Variants in ABLIM2 observed in about 807,000 individuals in gnomAD.
ABLIM2 encodes actin binding LIM protein family member 2, also known as actin-binding LIM protein 2.
A neutral mutation model predicts 97.7 loss-of-function variants in ABLIM2; 53 were observed. The observed-to-expected ratio is 0.54, with a 90% CI of 0.44 to 0.68. The LOEUF is 0.68. Ranked by LOEUF, ABLIM2 falls within the 30% of genes least tolerant of loss-of-function variation. ABLIM2 has a pLI of 0.00. For missense variants in ABLIM2, 835 were observed against 867.2 expected (o/e 0.96, Z 0.47); for synonymous variants, 361 against 345.8 (o/e 1.04, Z -0.49).
At chr4:8,017,629 C>T (rs748919420) in intron 14 of ABLIM2, among the ~76,000 whole-genome samples, 3 of 152,166 alleles carry the variant, frequency 2.0e-5, no homozygotes, top group Non-Finnish European at 1.5e-5. Flanking sequence ...TTGGTCCTTG[C>T]TTAGGGTTTA....
intron 1 of ABLIM2, among the ~76,000 whole-genome samples, chr4:8,116,124 C>A (rs1260101098): frequency 1.3e-5 from 2 of 152,202 alleles, no homozygotes; most frequent in Non-Finnish European, 2.9e-5. Flanking sequence ...CAAGGCATAC[C>A]CACTGTGCCC....
At chr4:8,137,051 C>T (rs560921694) in intron 1 of ABLIM2, among the ~76,000 whole-genome samples, 3 of 152,316 alleles carry the variant, frequency 2.0e-5, no homozygotes, top group Non-Finnish European at 2.9e-5. Context: ...TATGAGGAGG[C>T]GGCCCCCAAC....
chr4:8,100,019 G>A (rs1833718457), intron 2 of ABLIM2, among the ~76,000 whole-genome samples: 1 of 152,194 alleles, frequency 6.6e-6, no homozygotes, highest in Non-Finnish European at 1.5e-5. Flanking sequence ...AGGGCAGGTG[G>A]GGGTGATGGG....
At chr4:7,979,853 A>G (rs1736604947) in intron 20 of ABLIM2, among the ~76,000 whole-genome samples, 1 of 152,202 alleles carries the variant, frequency 6.6e-6, no homozygotes, top group Non-Finnish European at 1.5e-5. Context: ...GGGTGGTCAT[A>G]TTACCTACTC....
intron 1 of ABLIM2, among the ~76,000 whole-genome samples, chr4:8,143,170 G>GGC (rs56136704): frequency 0.052 from 7,046 of 136,172 alleles, 401 homozygotes; most frequent in South Asian, 0.066. Context: ...GGGGGGGGGG[G>GGC]GCGTCTGCAA....
chr4:7,991,166 G>A (rs1748403867), intron 17 of ABLIM2, among the ~76,000 whole-genome samples: 1 of 152,236 alleles, frequency 6.6e-6, no homozygotes, highest in Admixed American at 6.5e-5. Context: ...TGAATAGGCT[G>A]TTCTCAAAAG....
rs1372100225 is a variant in ABLIM2, at chr4:8,060,021, G to A, written c.763+946C>T. On this transcript the variant is annotated intron_variant, in intron 7 of 20. Coordinates refer to ENST00000447017, the MANE Select transcript of ABLIM2 (RefSeq NM_001130083.2). ...GGGCCACCCTTTGCACGTACACAAG[G>A]TGCACATGTTAATAAGCTTCTGTTC... Among the ~76,000 whole-genome samples the A allele has an allele frequency of 2.0e-5, 3 of 151,998 alleles. No individual in the cohort carries two copies. The East Asian group carries it at 5.8e-4, about 29-fold the overall frequency.
rs1774182299 is a variant in ABLIM2, at chr4:8,022,161, G to C, written c.1268-1858C>G. 6.6e-6 allele frequency among the ~76,000 whole-genome samples: 1 copy of C among 152,230 alleles called. No individual in the cohort carries two copies. Among genetic ancestry groups the C allele is most frequent in the African/African-American group, 2.4e-5 (1 of 41,462 alleles). The stretch of plus-strand genomic sequence containing the variant: ...CCCACACGAACTCTGAACAGAGGAA[G>C]ACGGTTTGCTTCAGGCACCATCTCT... On this transcript the variant is annotated intron_variant, in intron 12 of 20. Coordinates refer to ENST00000447017, the MANE Select transcript of ABLIM2 (RefSeq NM_001130083.2). This position sits in a 1 kb window ranked among gnomAD's most constrained non-coding sequence, Gnocchi z 7.8.
chr4:8,011,750 C>A (rs1162196677), intron 14 of ABLIM2, among the ~76,000 whole-genome samples: 1 of 152,204 alleles, frequency 6.6e-6, no homozygotes, highest in African/African-American at 2.4e-5. Context: ...TTCTGGAATG[C>A]ATTTGCCAGT....
chr4:8,010,935 A>T (rs1764560748), intron 14 of ABLIM2, among the ~76,000 whole-genome samples: 1 of 152,220 alleles, frequency 6.6e-6, no homozygotes, highest in African/African-American at 2.4e-5. Context: ...CTCTAAGAGC[A>T]CAACCATTGT....
At chr4:8,028,050 A>C (rs1252293761) in intron 11 of ABLIM2, among the ~76,000 whole-genome samples, 193 bp from the exon 12 acceptor site, 1 of 152,250 alleles carries the variant, frequency 6.6e-6, no homozygotes, top group Non-Finnish European at 1.5e-5. Context: ...ACCGGACCTC[A>C]GAGGACCAGG....
rs1762673349 is a variant in ABLIM2 at position 8,008,288 on chromosome 4, C to T, written c.1477-88G>A. Reference sequence around the variant, plus strand: ...CTGGACCCTTCTTGTAGCTTCCTTACTTCTAACATACGAGCTGACCCCACT... The same window carrying T: ...CTGGACCCTTCTTGTAGCTTCCTTATTTCTAACATACGAGCTGACCCCACT... On this transcript the variant is annotated intron_variant, in intron 15 of 20. Coordinates refer to ENST00000447017, the MANE Select transcript of ABLIM2 (RefSeq NM_001130083.2). 5.4e-6 allele frequency: 7 copies of T among 1,304,708 alleles called. No homozygotes were observed. In the South Asian group the frequency reaches 8.3e-5, roughly 15 times the overall value. 80.8% of individuals were successfully genotyped at this position (1,304,708 alleles called of 1,614,324 possible). A position where few individuals can be genotyped will look rare whatever the true frequency, so the allele number is the denominator to read the frequency against.
rs1217333679 is a variant in ABLIM2 at position 8,058,576 on chromosome 4, C to A, written c.763+2391G>T. ...AGTCACAATAGCAGACCTGTCCTCGCCGGGGCCCCTATGCCCCGTCCAATC... is the reference window on the plus strand; with the variant it reads ...AGTCACAATAGCAGACCTGTCCTCGACGGGGCCCCTATGCCCCGTCCAATC... On this transcript the variant is annotated intron_variant, in intron 7 of 20. Transcript: ENST00000447017. This position sits in a 1 kb window ranked among gnomAD's most constrained non-coding sequence, Gnocchi z 4.2. Among the ~76,000 whole-genome samples, 2 of 152,190 alleles carry A rather than the reference C, an allele frequency of 1.3e-5. No individual in the cohort carries two copies. The highest frequency in any genetic ancestry group is 2.4e-5 in the African/African-American group (1 of 41,458).
intron 14 of ABLIM2, chr4:8,010,536 T>C (rs746754771): frequency 2.7e-5 from 27 of 985,742 alleles, no homozygotes; most frequent in East Asian, 1.1e-4. Context: ...AAATTTGGGA[T>C]TGGGCTACAG....
intron 3 of ABLIM2, among the ~76,000 whole-genome samples, chr4:8,089,715 A>G (rs997069072): frequency 3.6e-5 from 5 of 137,872 alleles, no homozygotes; most frequent in Admixed American, 1.5e-4. Flanking sequence ...GGCTGGGCCA[A>G]AGAGTGAGAT....
In ABLIM2 at chr4:8,058,038, C is replaced by T. The variant is rs1211887483; in HGVS notation, c.763+2929G>A. Among the ~76,000 whole-genome samples, 1 of 152,240 alleles carries T rather than the reference C, an allele frequency of 6.6e-6. No homozygotes were observed. The highest frequency in any genetic ancestry group is 1.5e-5 in the Non-Finnish European group (1 of 68,034). ...GCCTGGGTTCGACATCCCACAGAAC[C>T]TCACAGCAGAAGCGGGGGCTGGCCT... is the stretch of plus-strand genomic sequence containing the variant. On this transcript the variant is annotated intron_variant, in intron 7 of 20. Transcript: ENST00000447017. The surrounding 1 kb of genome is among the most constrained non-coding windows in gnomAD (Gnocchi z 4.2).
intron 5 of ABLIM2, among the ~76,000 whole-genome samples, chr4:8,078,456 T>A (rs1817722535): frequency 1.3e-5 from 2 of 152,346 alleles, no homozygotes; most frequent in Admixed American, 1.3e-4. Flanking sequence ...CGAGTCTCCA[T>A]AAATGAGCTA....
intron 8 of ABLIM2, among the ~76,000 whole-genome samples, chr4:8,047,207 A>T (rs1275785475): frequency 6.6e-6 from 1 of 152,158 alleles, no homozygotes. Context: ...TTGATTCTGT[A>T]TCTAGAAAGG....
At chr4:8,084,641 TC>T (rs1363045235) in intron 4 of ABLIM2, among the ~76,000 whole-genome samples, 1 of 152,130 alleles carries the variant, frequency 6.6e-6, no homozygotes, top group Non-Finnish European at 1.5e-5. Flanking sequence ...CCTCCCCAGG[TC>T]CAGGGGATGG....
Sources: allele counts gnomAD v4.1 joint callset (sites outside exome capture counted in the v4.1 genomes callset), GRCh38; gene constraint gnomAD v4.1.1; non-coding constraint Gnocchi (gnomAD v3.1); transcripts MANE v1.5; gene names NCBI Gene and HGNC (gene_info 2026-07-23, HGNC 2026-07-21).